Variants in EBF1 observed in about 807,000 individuals in gnomAD.
The protein encoded by EBF1 is EBF transcription factor 1.
Under a neutral mutation model 68.4 loss-of-function variants are expected in EBF1, and 10 were observed. The ratio of observed to expected loss-of-function variants is 0.15; its 90% CI spans 0.09 to 0.25. The LOEUF (loss-of-function observed/expected upper bound fraction) is 0.25. EBF1 is among the 10% of genes least tolerant of loss of function. EBF1 has a pLI of 1.00. For synonymous variants in EBF1, 298 were observed against 299.8 expected (o/e 0.99, Z 0.06); for missense variants, 509 against 794.4 (o/e 0.64, Z 4.32).
At chr5:159,050,566 G>T (rs1398782501) in intron 6 of EBF1, among the ~76,000 whole-genome samples, 1 of 152,180 alleles carries the variant, frequency 6.6e-6, no homozygotes, top group African/African-American at 2.4e-5. Flanking sequence ...GGGCCCCTGA[G>T]TCTCAGTCAT....
At position 158,928,475 on chromosome 5, in the gene EBF1, A is replaced by G. The variant is rs565648822; in HGVS notation, c.555-88365T>C. Among the ~76,000 whole-genome samples the G allele has an allele frequency of 1.1e-4, 16 of 152,310 alleles. No individual in the cohort carries two copies. In the South Asian group the frequency reaches 3.3e-3, roughly 32 times the overall value. ...TGAAAAAAAATAATTTTTTGGCACC[A>G]TGCTCCCTATCTGCAATTACATCAA... is the stretch of plus-strand genomic sequence containing the variant. On this transcript the variant is annotated intron_variant, in intron 6 of 15. Transcript: ENST00000313708.
At chr5:158,933,496 T>C (rs1485189120) in intron 6 of EBF1, among the ~76,000 whole-genome samples, 1 of 152,188 alleles carries the variant, frequency 6.6e-6, no homozygotes, top group South Asian at 2.1e-4. Flanking sequence ...AAAAATAATA[T>C]AGATTTTTCC....
At chr5:159,031,335 A>T (rs1277833627) in intron 6 of EBF1, among the ~76,000 whole-genome samples, 1 of 152,262 alleles carries the variant, frequency 6.6e-6, no homozygotes, top group Non-Finnish European at 1.5e-5. Context: ...CAACATGTCC[A>T]GAATCCACTA....
chr5:158,995,096 A>C (rs141192212), intron 6 of EBF1, among the ~76,000 whole-genome samples: 1 of 152,140 alleles, frequency 6.6e-6, no homozygotes, highest in East Asian at 1.9e-4. Flanking sequence ...CTTTGAGGAA[A>C]ACTCATCTTC....
At chr5:159,020,562 A>G (rs778600618) in intron 6 of EBF1, among the ~76,000 whole-genome samples, 59 of 152,290 alleles carry the variant, frequency 3.9e-4, no homozygotes, top group Non-Finnish European at 7.4e-4. Context: ...GTCCAGCTCA[A>G]GTCCCATTTC....
intron 6 of EBF1, among the ~76,000 whole-genome samples, chr5:158,924,723 G>A (rs998291807): frequency 1.3e-5 from 2 of 150,868 alleles, no homozygotes; most frequent in African/African-American, 4.9e-5. Context: ...CGTGGTGGCG[G>A]GCGCCTGTAG....
At chr5:159,027,368 T>C (rs1487223753) in intron 6 of EBF1, among the ~76,000 whole-genome samples, 1 of 152,180 alleles carries the variant, frequency 6.6e-6, no homozygotes, top group Non-Finnish European at 1.5e-5. Flanking sequence ...ACAATGTCGC[T>C]TCTTCCAGGA....
intron 6 of EBF1, among the ~76,000 whole-genome samples, chr5:158,973,917 T>C (rs1756180739): frequency 6.6e-6 from 1 of 152,164 alleles, no homozygotes; most frequent in Non-Finnish European, 1.5e-5. Context: ...TCCCTCAGTC[T>C]TTTGCCACCA....
chr5:158,998,209 T>C (rs1297082916), intron 6 of EBF1, among the ~76,000 whole-genome samples: 1 of 152,180 alleles, frequency 6.6e-6, no homozygotes, highest in Non-Finnish European at 1.5e-5. Flanking sequence ...GGCCAGTCTT[T>C]TCTGTATTTG....
At chr5:159,084,906 T>C (rs909243859) in intron 4 of EBF1, among the ~76,000 whole-genome samples, 167 bp from the exon 5 acceptor site, 2 of 152,150 alleles carry the variant, frequency 1.3e-5, no homozygotes, top group Non-Finnish European at 2.9e-5. Flanking sequence ...TATTCGGGAT[T>C]AACCTGAAAG....
At chr5:158,810,952 C>G (rs1165355229) in intron 8 of EBF1, among the ~76,000 whole-genome samples, 1 of 152,206 alleles carries the variant, frequency 6.6e-6, no homozygotes, top group African/African-American at 2.4e-5. Flanking sequence ...GGCAGGCCGG[C>G]AGAAAAGCCA....
chr5:158,895,540 T>G (rs1237540301), intron 6 of EBF1, among the ~76,000 whole-genome samples: 1 of 152,190 alleles, frequency 6.6e-6, no homozygotes, highest in East Asian at 1.9e-4. Flanking sequence ...ATGCATAATC[T>G]ACAGACAAGA....
chr5:158,840,538 C>A (rs2127964021), intron 6 of EBF1, among the ~76,000 whole-genome samples: 1 of 151,368 alleles, frequency 6.6e-6, no homozygotes, highest in Non-Finnish European at 1.5e-5. Flanking sequence ...TTGGTAACCA[C>A]TTTTTATCTT....
At chr5:158,820,127 G>T (rs1239642657) in intron 8 of EBF1, among the ~76,000 whole-genome samples, 1 of 152,060 alleles carries the variant, frequency 6.6e-6, no homozygotes, top group East Asian at 1.9e-4. Flanking sequence ...ATAGAGATTT[G>T]CAGAATAGCC....
At chr5:159,040,079 C>T (rs181942713) in intron 6 of EBF1, among the ~76,000 whole-genome samples, 1 of 152,278 alleles carries the variant, frequency 6.6e-6, no homozygotes, top group African/African-American at 2.4e-5. Context: ...GGACGTAGAT[C>T]CATTTGTAAC....
intron 8 of EBF1, among the ~76,000 whole-genome samples, chr5:158,803,747 T>C (rs375176022): frequency 6.6e-6 from 1 of 152,086 alleles, no homozygotes; most frequent in East Asian, 1.9e-4. Flanking sequence ...TGCTGTTGCT[T>C]TAACTTGTGT....
At chr5:158,889,365 T>C (rs1029997752) in intron 6 of EBF1, among the ~76,000 whole-genome samples, 27 of 152,166 alleles carry the variant, frequency 1.8e-4, no homozygotes, top group Non-Finnish European at 2.1e-4. Context: ...TTGGAGCAGC[T>C]AAAGGATCCA....
chr5:158,962,141 G>A (rs1372791701), intron 6 of EBF1, among the ~76,000 whole-genome samples: 2 of 152,112 alleles, frequency 1.3e-5, no homozygotes, highest in African/African-American at 4.8e-5. Context: ...GCAGCTTGAG[G>A]GGCGGTATGC....
intron 6 of EBF1, among the ~76,000 whole-genome samples, chr5:159,053,835 G>A (rs1774266019): frequency 6.6e-6 from 1 of 152,190 alleles, no homozygotes; most frequent in South Asian, 2.1e-4. Flanking sequence ...TTAAAATACT[G>A]AAAGCACAAC....
Sources: gnomAD v4.1 joint callset for allele counts (sites outside exome capture counted in the v4.1 genomes callset) on GRCh38, gnomAD v4.1.1 for gene constraint, MANE v1.5 for transcripts, NCBI Gene and HGNC (gene_info 2026-07-23, HGNC 2026-07-21) for gene names.